Variants in GRIP1 observed in about 807,000 individuals in gnomAD.
The protein encoded by GRIP1 is glutamate receptor-interacting protein 1.
A neutral mutation model predicts 129.9 loss-of-function variants in GRIP1; 45 were observed. The observed-to-expected ratio is 0.35, with a 90% CI of 0.27 to 0.44. GRIP1 has a LOEUF of 0.44. Ranked by LOEUF, GRIP1 falls within the 20% of genes least tolerant of loss-of-function variation. The probability of loss-of-function intolerance (pLI) is 1.00; values close to 1 mark genes in which losing one functional copy is unlikely to be tolerated. For synonymous variants in GRIP1, 530 were observed against 520.8 expected (o/e 1.02, Z -0.24); for missense variants, 1,196 against 1,396.8 (o/e 0.86, Z 2.29).
intron 1 of GRIP1, among the ~76,000 whole-genome samples, chr12:66,966,832 G>A (rs778837186): frequency 4.6e-5 from 7 of 152,104 alleles, no homozygotes; most frequent in Non-Finnish European, 8.8e-5. Context: ...ATCTGGCTGT[G>A]AGTAACTACC....
At chr12:66,470,201 G>A (rs1180596065) in intron 7 of GRIP1, among the ~76,000 whole-genome samples, 3 of 152,114 alleles carry the variant, frequency 2.0e-5, no homozygotes, top group Non-Finnish European at 4.4e-5. Flanking sequence ...GCTTTCCACA[G>A]CTGTTCTGGT....
chr12:66,768,290 T>C (rs2037708445), intron 1 of GRIP1, among the ~76,000 whole-genome samples: 1 of 152,206 alleles, frequency 6.6e-6, no homozygotes, highest in Non-Finnish European at 1.5e-5. Flanking sequence ...TTTTATATAA[T>C]CTCAGTGTAG....
intron 7 of GRIP1, among the ~76,000 whole-genome samples, chr12:66,500,893 A>G (rs2060374290): frequency 1.3e-5 from 2 of 152,260 alleles, no homozygotes; most frequent in Admixed American, 1.3e-4. Flanking sequence ...AGAAATTCAC[A>G]TTAAAAGTAT....
intron 1 of GRIP1, among the ~76,000 whole-genome samples, chr12:66,662,000 T>C (rs541926425): frequency 5.9e-5 from 9 of 152,294 alleles, no homozygotes; most frequent in Admixed American, 1.3e-4. Flanking sequence ...ATTCCCACCC[T>C]GGGTTCAGTG....
intron 5 of GRIP1, among the ~76,000 whole-genome samples, chr12:66,527,275 C>T (rs1488347697): frequency 3.3e-5 from 5 of 151,318 alleles, no homozygotes; most frequent in Non-Finnish European, 7.4e-5. Context: ...TGGAACCAAC[C>T]CAAATGTCCA....
chr12:66,856,225 G>C (rs1398326866), intron 1 of GRIP1, among the ~76,000 whole-genome samples: 2 of 152,120 alleles, frequency 1.3e-5, no homozygotes, highest in African/African-American at 4.8e-5. Flanking sequence ...ATTAAGTCAA[G>C]ATGGATTAAA....
intron 1 of GRIP1, among the ~76,000 whole-genome samples, chr12:67,040,990 C>A (rs2043168480): frequency 6.6e-6 from 1 of 152,074 alleles, no homozygotes; most frequent in African/African-American, 2.4e-5. Flanking sequence ...GAACAAAAAA[C>A]TGACCTCCCC....
intron 1 of GRIP1, among the ~76,000 whole-genome samples, chr12:66,802,504 T>C (rs1044993381): frequency 6.6e-6 from 1 of 152,198 alleles, no homozygotes; most frequent in Admixed American, 6.5e-5. Context: ...TACCTCCATA[T>C]ATAGTTCTTC....
At chr12:66,665,013 T>C (rs1055466203) in intron 1 of GRIP1, among the ~76,000 whole-genome samples, 1 of 152,186 alleles carries the variant, frequency 6.6e-6, no homozygotes, top group Non-Finnish European at 1.5e-5. Flanking sequence ...TACTAGGTTT[T>C]CTTTTCCTTT....
At chr12:66,507,754 C>CCTTTCTTTCTTTCTTT (rs145153553) in intron 7 of GRIP1, among the ~76,000 whole-genome samples, 3 of 150,644 alleles carry the variant, frequency 2.0e-5, no homozygotes, top group South Asian at 2.1e-4. Context: ...ATAGGGCATT[C>CCTTTCTTTCTTTCTTT]CTTTCTTTCT....
chr12:66,486,100 C>G (rs1244928439), intron 7 of GRIP1, among the ~76,000 whole-genome samples: 3 of 151,946 alleles, frequency 2.0e-5, no homozygotes. Flanking sequence ...TTTCTTGACC[C>G]CTTTTAGTGT....
intron 1 of GRIP1, among the ~76,000 whole-genome samples, chr12:66,978,683 A>G (rs1592420340): frequency 1.3e-5 from 2 of 152,236 alleles, no homozygotes; most frequent in African/African-American, 2.4e-5. Context: ...AGCCAAAAAA[A>G]GAAGTATTGG....
At chr12:66,767,852 C>A (rs1255776493) in intron 1 of GRIP1, among the ~76,000 whole-genome samples, 1 of 152,118 alleles carries the variant, frequency 6.6e-6, no homozygotes, top group Non-Finnish European at 1.5e-5. Context: ...AGATAATAGC[C>A]TCGAGTTCTT....
At chr12:66,711,426 T>C (rs2035709318) in intron 1 of GRIP1, among the ~76,000 whole-genome samples, 1 of 151,914 alleles carries the variant, frequency 6.6e-6, no homozygotes, top group South Asian at 2.1e-4. Context: ...GAAAGTTTTC[T>C]GAACATGATC....
chr12:66,568,745 A>G (rs539632423), intron 2 of GRIP1: 42 of 233,760 alleles, frequency 1.8e-4, no homozygotes, highest in South Asian at 1.7e-3. Flanking sequence ...AGCCATTGAC[A>G]TGGCTTGGAG....
chr12:66,698,090 A>G (rs934279497), intron 1 of GRIP1, among the ~76,000 whole-genome samples: 6 of 152,208 alleles, frequency 3.9e-5, no homozygotes, highest in Non-Finnish European at 7.3e-5. Context: ...ATTTACAACA[A>G]TCAGAGATTA....
At chr12:66,779,761 CAAGT>C (rs1242206207) in intron 1 of GRIP1, among the ~76,000 whole-genome samples, 1 of 152,062 alleles carries the variant, frequency 6.6e-6, no homozygotes, top group Non-Finnish European at 1.5e-5. Flanking sequence ...ACCCAGTAAA[CAAGT>C]AATATCACAT....
chr12:66,673,741 G>A (rs543104717), intron 1 of GRIP1, among the ~76,000 whole-genome samples: 49 of 152,258 alleles, frequency 3.2e-4, no homozygotes, highest in Non-Finnish European at 4.9e-4. Context: ...TCTGGACCAC[G>A]AGCAGCACTT....
Position 66,347,818 on chromosome 12 carries a change from A to AGTT in GRIP1, c.*1198_*1200dup, listed in dbSNP as rs747551266. ...TGTTCGAATACTTTGCCTAAGTGGT[A>AGTT]GTTTGAATTATTGACCAAAATGAAA... is the stretch of plus-strand genomic sequence containing the variant. On this transcript the variant is annotated 3_prime_UTR_variant, in exon 25 of 25. Transcript: ENST00000359742. 2 of 152,202 alleles carry AGTT rather than the reference A, an allele frequency of 1.3e-5. No homozygotes were observed. Among genetic ancestry groups the AGTT allele is most frequent in the Non-Finnish European group, 1.5e-5 (1 of 68,034 alleles). The allele number at this position is 152,202 out of a possible 1,614,324, so 9.4% of individuals were successfully genotyped here.
Sources: gnomAD v4.1 joint callset for allele counts (sites outside exome capture counted in the v4.1 genomes callset) on GRCh38, gnomAD v4.1.1 for gene constraint, MANE v1.5 for transcripts, NCBI Gene and HGNC (gene_info 2026-07-23, HGNC 2026-07-21) for gene names.